Variants in IMMP2L observed in about 807,000 individuals in gnomAD.
IMMP2L encodes the protein inner mitochondrial membrane peptidase subunit 2.
IMMP2L carries 18 observed loss-of-function variants against 19.3 expected under a neutral mutation model. That is an observed-to-expected ratio of 0.93 (90% CI 0.64 to 1.38). The LOEUF (loss-of-function observed/expected upper bound fraction) is 1.38, where lower values mean the gene tolerates loss of function less well. Ranked by LOEUF, IMMP2L falls within the 40% of genes most tolerant of loss-of-function variation. The pLI, the probability that IMMP2L is intolerant of heterozygous loss-of-function variation, is 0.00. For missense variants in IMMP2L, 233 were observed against 218.2 expected (o/e 1.07, Z -0.43); for synonymous variants, 76 against 73.0 (o/e 1.04, Z -0.21).
chr7:110,973,790 T>C (rs914655773), intron 3 of IMMP2L, among the ~76,000 whole-genome samples: 3 of 152,080 alleles, frequency 2.0e-5, no homozygotes, highest in African/African-American at 7.2e-5. Flanking sequence ...TCTGTACACA[T>C]ACAAAATGGA....
At chr7:111,033,654 T>G (rs1791052043) in intron 3 of IMMP2L, among the ~76,000 whole-genome samples, 1 of 152,148 alleles carries the variant, frequency 6.6e-6, no homozygotes, top group Non-Finnish European at 1.5e-5. Context: ...AGCTATTAAG[T>G]CATGAAAAAT....
chr7:111,083,173 T>G (rs1204371224), intron 3 of IMMP2L, among the ~76,000 whole-genome samples: 1 of 152,150 alleles, frequency 6.6e-6, no homozygotes, highest in Non-Finnish European at 1.5e-5. Flanking sequence ...GACGACACAA[T>G]AATTAGAAAA....
intron 3 of IMMP2L, among the ~76,000 whole-genome samples, chr7:111,298,066 A>C (rs1028767113): frequency 2.0e-5 from 3 of 152,306 alleles, no homozygotes; most frequent in East Asian, 1.9e-4. Flanking sequence ...TTATAACTTA[A>C]TAAAGTTGAA....
chr7:111,559,913 C>T (rs1791823505), intron 1 of IMMP2L, among the ~76,000 whole-genome samples: 1 of 151,872 alleles, frequency 6.6e-6, no homozygotes, highest in African/African-American at 2.4e-5. Context: ...GCTACTTCTA[C>T]ATGAAGTTGT....
chr7:111,077,143 C>G (rs976492220), intron 3 of IMMP2L, among the ~76,000 whole-genome samples: 1 of 152,228 alleles, frequency 6.6e-6, no homozygotes, highest in Admixed American at 6.5e-5. Flanking sequence ...TATATTTTTG[C>G]AAAACAAAGC....
intron 3 of IMMP2L, among the ~76,000 whole-genome samples, chr7:111,296,267 T>G (rs573496053): frequency 6.6e-6 from 1 of 152,066 alleles, no homozygotes; most frequent in African/African-American, 2.4e-5. Flanking sequence ...TTTGAAAAGA[T>G]GCTCACATCC....
chr7:111,268,163 ATCTC>A (rs1751819185), intron 3 of IMMP2L, among the ~76,000 whole-genome samples: 1 of 152,160 alleles, frequency 6.6e-6, no homozygotes, highest in Non-Finnish European at 1.5e-5. Flanking sequence ...TTAGAGATTT[ATCTC>A]TCTATGTGTT....
intron 3 of IMMP2L, among the ~76,000 whole-genome samples, chr7:111,406,826 A>G (rs1382818532): frequency 6.6e-6 from 1 of 152,038 alleles, no homozygotes; most frequent in African/African-American, 2.4e-5. Flanking sequence ...CATTTTGGGG[A>G]GTGCCCTTAG....
intron 3 of IMMP2L, among the ~76,000 whole-genome samples, chr7:111,053,974 A>T (rs1304428873): frequency 2.0e-5 from 3 of 152,178 alleles, no homozygotes; most frequent in Non-Finnish European, 4.4e-5. Flanking sequence ...TCATTTTCAG[A>T]GGGAAATTAG....
intron 3 of IMMP2L, among the ~76,000 whole-genome samples, chr7:111,438,702 T>C (rs930316277): frequency 6.6e-6 from 1 of 151,852 alleles, no homozygotes; most frequent in Non-Finnish European, 1.5e-5. Flanking sequence ...AGAAAGCCAA[T>C]GTGAAAGGAA....
chr7:111,291,669 C>G (rs1001162198), intron 3 of IMMP2L, among the ~76,000 whole-genome samples: 1 of 151,960 alleles, frequency 6.6e-6, no homozygotes, highest in Non-Finnish European at 1.5e-5. Context: ...AGGGAATAAG[C>G]CTTAGTGATC....
At chr7:110,676,548 AT>A (rs1389222841) in intron 5 of IMMP2L, among the ~76,000 whole-genome samples, 4 of 152,208 alleles carry the variant, frequency 2.6e-5, no homozygotes, top group Admixed American at 2.6e-4. Context: ...AGCAATAAGC[AT>A]TTACTGAATG....
At chr7:110,882,786 C>A (rs1563051441) in intron 5 of IMMP2L, among the ~76,000 whole-genome samples, 3 of 149,486 alleles carry the variant, frequency 2.0e-5, no homozygotes, top group African/African-American at 7.4e-5. Flanking sequence ...TTTTTTTTAA[C>A]CAAAGAAGCA....
At chr7:110,799,311 G>A (rs1801083416) in intron 5 of IMMP2L, among the ~76,000 whole-genome samples, 1 of 151,882 alleles carries the variant, frequency 6.6e-6, no homozygotes, top group African/African-American at 2.4e-5. Context: ...TTTTGAAAGG[G>A]TGACTCCTTC....
chr7:110,934,231 C>A (rs905311926), intron 4 of IMMP2L, among the ~76,000 whole-genome samples: 1 of 152,102 alleles, frequency 6.6e-6, no homozygotes, highest in Admixed American at 6.6e-5. Context: ...TATTCTTTTG[C>A]ATTTGCTGAG....
chr7:111,436,165 G>T (rs906672186), intron 3 of IMMP2L, among the ~76,000 whole-genome samples: 1 of 151,580 alleles, frequency 6.6e-6, no homozygotes, highest in African/African-American at 2.4e-5. Flanking sequence ...GGCGGAGGCT[G>T]GACAGGAGAA....
At chr7:111,243,088 T>C (rs1815330360) in intron 3 of IMMP2L, among the ~76,000 whole-genome samples, 1 of 152,116 alleles carries the variant, frequency 6.6e-6, no homozygotes. Context: ...TAAAACAAAA[T>C]TCTTATTATT....
chr7:110,717,658 G>A (rs2130746484), intron 5 of IMMP2L, among the ~76,000 whole-genome samples: 1 of 152,300 alleles, frequency 6.6e-6, no homozygotes, highest in South Asian at 2.1e-4. Context: ...AATGCAAAGG[G>A]AGTTTCAAGA....
chr7:110,777,772 C>T (rs12540643), intron 5 of IMMP2L, among the ~76,000 whole-genome samples: 20,957 of 151,922 alleles, frequency 0.14, 1,570 homozygotes, highest in South Asian at 0.29. Context: ...GGGAGAAAAT[C>T]TTAACGCCAA....
Sources: gnomAD v4.1 joint callset for allele counts (sites outside exome capture counted in the v4.1 genomes callset) on GRCh38, gnomAD v4.1.1 for gene constraint, MANE v1.5 for transcripts, NCBI Gene and HGNC (gene_info 2026-07-23, HGNC 2026-07-21) for gene names.